Variants in CFAP45 observed in about 807,000 individuals in gnomAD.
CFAP45 encodes cilia and flagella associated protein 45, also known as cilia- and flagella-associated protein 45.
A neutral mutation model predicts 75.6 loss-of-function variants in CFAP45; 43 were observed. The ratio of observed to expected loss-of-function variants is 0.57; its 90% CI spans 0.45 to 0.73. The LOEUF (loss-of-function observed/expected upper bound fraction) is 0.73. Among genes scored for constraint, CFAP45 ranks in the 30% least tolerant of loss-of-function variants. The pLI is 0.00. For synonymous variants in CFAP45, 223 were observed against 244.6 expected (o/e 0.91, Z 0.82); for missense variants, 689 against 701.5 (o/e 0.98, Z 0.20).
At chr1:159,885,504 T>TTCTA (rs1649656538) in intron 6 of CFAP45, among the ~76,000 whole-genome samples, 1 of 152,246 alleles carries the variant, frequency 6.6e-6, no homozygotes, top group Non-Finnish European at 1.5e-5. Flanking sequence ...GTAATTCATG[T>TTCTA]ATTGTATGGT....
At chr1:159,897,770 A>G (rs1252004910) in intron 1 of CFAP45, among the ~76,000 whole-genome samples, 1 of 152,198 alleles carries the variant, frequency 6.6e-6, no homozygotes, top group African/African-American at 2.4e-5. Flanking sequence ...ATGACCAGAA[A>G]AAAAAAACAA....
chr1:159,888,631 G>T, intron 3 of CFAP45, 135 bp from the exon 4 acceptor site: 1 of 771,660 alleles, frequency 1.3e-6, no homozygotes, highest in Non-Finnish European at 2.1e-6. Context: ...CGGCAAGTGT[G>T]CCATGGGTCC....
intron 8 of CFAP45, among the ~76,000 whole-genome samples, chr1:159,879,960 C>T (rs893010242): frequency 2.6e-5 from 4 of 152,208 alleles, no homozygotes; most frequent in Admixed American, 6.5e-5. Flanking sequence ...TTCTACTCTC[C>T]AATCCCCGTA....
Position 159,893,282 on chromosome 1 carries a change from C to A in CFAP45, c.27G>T (p.Leu9=), listed in dbSNP as rs145788106. 40 of 1,613,484 alleles carry A rather than the reference C, an allele frequency of 2.5e-5. No individual in the cohort carries two copies. In the African/African-American group the frequency reaches 5.2e-4, roughly 21 times the overall value. MPLSTAGI[L]SSSSAASNRS... Reference sequence around the variant, plus strand: ...TGTTGGAAGCGGCAGAAGAGGAGCTCAGGATGCCAGCTGTGCTTAGTGGCT... The same window carrying A: ...TGTTGGAAGCGGCAGAAGAGGAGCTAAGGATGCCAGCTGTGCTTAGTGGCT... Residue 9 remains leucine, a synonymous_variant, in exon 2 of 12, where the codon CTG becomes CTT. Transcript: ENST00000368099.
rs543972919 is a variant in CFAP45 at position 159,872,652 on chromosome 1, C to A, written c.1578-89G>T. ...CAGGCTCTGGGTGGGGTTTACAGAA[C>A]CTGGGGGCCTGCACCCCCCAACCCT... On this transcript the variant is annotated intron_variant, in intron 11 of 11. Coordinates refer to ENST00000368099, the MANE Select transcript of CFAP45 (RefSeq NM_012337.3). The A allele has an allele frequency of 5.2e-6, 6 of 1,145,166 alleles. No individual in the cohort carries two copies. The East Asian group carries it at 9.5e-5, about 18-fold the overall frequency. 70.9% of individuals were successfully genotyped at this position (1,145,166 alleles called of 1,614,324 possible).
intron 7 of CFAP45, among the ~76,000 whole-genome samples, chr1:159,883,506 A>G (rs1649599323): frequency 6.6e-6 from 1 of 152,250 alleles, no homozygotes; most frequent in South Asian, 2.1e-4. Context: ...GGAGGAGGTG[A>G]TAATGGTATT....
chr1:159,872,760 C>A (rs1034058486), intron 11 of CFAP45, among the ~76,000 whole-genome samples, 184 bp downstream of exon 11: 1 of 152,184 alleles, frequency 6.6e-6, no homozygotes, highest in Non-Finnish European at 1.5e-5. Flanking sequence ...GCCAGCAAGA[C>A]CCCATCCCAG....
intron 2 of CFAP45, 40 bp downstream of exon 2, chr1:159,893,140 T>G: frequency 6.2e-7 from 1 of 1,610,222 alleles, no homozygotes; most frequent in Non-Finnish European, 8.5e-7. Context: ...GGCCTCTGCC[T>G]GCAGGTGGCA....
intron 1 of CFAP45, chr1:159,898,121 G>C (rs74124753): frequency 0.018 from 18,212 of 985,172 alleles, 544 homozygotes; most frequent in African/African-American, 0.12. Context: ...GCAAATTCAG[G>C]CTTCAAACTC....
At chr1:159,883,811 G>C (rs1223180113) in intron 7 of CFAP45, among the ~76,000 whole-genome samples, 1 of 151,980 alleles carries the variant, frequency 6.6e-6, no homozygotes, top group Non-Finnish European at 1.5e-5. Context: ...AATTATCCAA[G>C]TGCCTGCCAT....
chr1:159,889,234 G>T (rs907666605), intron 3 of CFAP45, among the ~76,000 whole-genome samples: 2 of 150,506 alleles, frequency 1.3e-5, no homozygotes, highest in African/African-American at 4.9e-5. Context: ...TAATTATAAT[G>T]ATTACAAGCA....
intron 6 of CFAP45, among the ~76,000 whole-genome samples, chr1:159,886,257 T>C (rs1649674882): frequency 6.6e-6 from 1 of 151,920 alleles, no homozygotes; most frequent in Non-Finnish European, 1.5e-5. Context: ...GGAGAATCGC[T>C]TGAACCCGGG....
intron 7 of CFAP45, among the ~76,000 whole-genome samples, chr1:159,881,809 G>A (rs1417759656): frequency 1.3e-5 from 2 of 152,112 alleles, no homozygotes; most frequent in African/African-American, 4.8e-5. Context: ...GGTGCAGAGG[G>A]GCATCGGAAT....
intron 4 of CFAP45, 76 bp downstream of exon 4, chr1:159,888,276 C>T: frequency 6.9e-7 from 1 of 1,458,608 alleles, no homozygotes. Context: ...TTTCAGGGTC[C>T]CCTGATGAGA....
At chr1:159,879,705 T>C (rs1374858139) in intron 8 of CFAP45, among the ~76,000 whole-genome samples, 1 of 152,150 alleles carries the variant, frequency 6.6e-6, no homozygotes, top group African/African-American at 2.4e-5. Context: ...TCAGAACATA[T>C]AGGTGTACCA....
chr1:159,896,112 G>A (rs1406829153), intron 1 of CFAP45, among the ~76,000 whole-genome samples: 12 of 152,200 alleles, frequency 7.9e-5, no homozygotes, highest in Admixed American at 7.9e-4. Context: ...AATACAGATG[G>A]AAAGTATTAT....
chr1:159,878,135 G>T (rs1037021966), intron 8 of CFAP45, among the ~76,000 whole-genome samples: 5 of 152,106 alleles, frequency 3.3e-5, no homozygotes, highest in African/African-American at 1.2e-4. Flanking sequence ...CCTGACCCTG[G>T]CTTTCACACT....
Position 159,876,677 on chromosome 1 carries a change from G to A in CFAP45, c.1231C>T (p.Arg411Trp), listed in dbSNP as rs766454855. 9.3e-6 allele frequency: 15 copies of A among 1,614,164 alleles called. No homozygotes were observed. Among genetic ancestry groups the A allele is most frequent in the East Asian group, 4.5e-5 (2 of 44,886 alleles). ...TCAGCCTCTGTTTCCATCTTCTTCC[G>A]CGCATTTTCCTTTTCCTTTCTGCGC... ...EWRRKEKENA[R>W]KKMETEAELR... The change falls in exon 10 of 12, where the codon CGG (arginine) becomes TGG (tryptophan). Residue 411 changes from arginine (R) to tryptophan (W), a missense_variant. Physicochemically the swap from Arg to Trp is moderately radical, Grantham distance 101. Transcript: ENST00000368099.
chr1:159,893,412 AAAAG>A lies in CFAP45; in HGVS notation c.4-111_4-108del, dbSNP rs1649875417. 4.6e-6 allele frequency: 5 copies of A among 1,098,448 alleles called. No homozygotes were observed. In the South Asian group the frequency reaches 5.2e-5, roughly 11 times the overall value. The allele number at this position is 1,098,448 out of a possible 1,614,324, so 68.0% of individuals were successfully genotyped here. On this transcript the variant is annotated intron_variant, in intron 1 of 11. Coordinates refer to ENST00000368099, the MANE Select transcript of CFAP45 (RefSeq NM_012337.3). ...GCTGGGGGAGTGGGTGGGCATGTGA[AAAAG>A]AAACAGTTAGGGAAAGCGGCTGTGT...
Sources: allele counts gnomAD v4.1 joint callset (sites outside exome capture counted in the v4.1 genomes callset), GRCh38; gene constraint gnomAD v4.1.1; transcripts MANE v1.5; gene names NCBI Gene and HGNC (gene_info 2026-07-23, HGNC 2026-07-21).